Variants in NFATC2 observed in about 807,000 individuals in gnomAD.
NFATC2 encodes nuclear factor of activated T cells 2, also known as nuclear factor of activated T-cells, cytoplasmic 2.
In NFATC2, 22 loss-of-function variants were observed where a neutral mutation model predicts 87.3. The observed-to-expected ratio is 0.25, with a 90% CI of 0.18 to 0.36. The LOEUF is 0.36. Ranked by LOEUF, NFATC2 falls within the 10% of genes least tolerant of loss-of-function variation. The pLI is 1.00. For synonymous variants in NFATC2, 565 were observed against 542.2 expected, an observed-to-expected ratio of 1.04 and a Z score of -0.58; for missense variants, 1,149 against 1,259.1, an observed-to-expected ratio of 0.91 and a Z score of 1.32.
chr20:51,518,891 C>A (rs932193757), intron 2 of NFATC2, among the ~76,000 whole-genome samples: 3 of 152,102 alleles, frequency 2.0e-5, no homozygotes, highest in African/African-American at 7.2e-5. Context: ...GCCTCAAACT[C>A]CTGGGCTCAA....
intron 3 of NFATC2, among the ~76,000 whole-genome samples, chr20:51,509,832 T>C (rs1053327953): frequency 3.9e-5 from 6 of 152,234 alleles, no homozygotes; most frequent in African/African-American, 1.4e-4. Flanking sequence ...TAATCCATTT[T>C]ATGAGGTTTT....
chr20:51,408,747 A>G (rs1308834552), intron 9 of NFATC2, among the ~76,000 whole-genome samples: 2 of 152,194 alleles, frequency 1.3e-5, no homozygotes, highest in African/African-American at 2.4e-5. Context: ...GGAAGACACT[A>G]TAGGAGAATC....
rs527949090 is a variant in NFATC2, at chr20:51,477,045, G to A, written c.1333-1385C>T. ...ACCCAGTAATTCCACCTCTCCATAC[G>A]CAGCCTGGAGAAACACTGTATATGC... is the stretch of plus-strand genomic sequence containing the variant. On this transcript the variant is annotated intron_variant, in intron 3 of 10. Coordinates refer to ENST00000371564, the MANE Select transcript of NFATC2 (RefSeq NM_012340.5). Among the ~76,000 whole-genome samples, 4 of 152,162 alleles carry A rather than the reference G, an allele frequency of 2.6e-5. No homozygotes were observed. The South Asian group carries it at 6.2e-4, about 24-fold the overall frequency.
At chr20:51,521,328 A>AT (rs200855308) in intron 2 of NFATC2, among the ~76,000 whole-genome samples, 10,299 of 149,928 alleles carry the variant, frequency 0.069, 378 homozygotes, top group Middle Eastern at 0.14. Context: ...TTTTATTTTT[A>AT]TTTTTTTTTT....
intron 3 of NFATC2, among the ~76,000 whole-genome samples, chr20:51,488,717 C>T (rs143207145): frequency 4.1e-4 from 63 of 152,310 alleles, no homozygotes; most frequent in African/African-American, 1.5e-3. Flanking sequence ...CTCCCTGGGT[C>T]CCAGCACTGT....
In NFATC2 at chr20:51,425,049, GA is replaced by G. The variant is rs561158186; in HGVS notation, c.2722+7017del. Among the ~76,000 whole-genome samples, 3 of 151,900 alleles carry G rather than the reference GA, an allele frequency of 2.0e-5. No homozygotes were observed. In the East Asian group the frequency reaches 5.8e-4, roughly 29 times the overall value. On this transcript the variant is annotated intron_variant, in intron 9 of 10. Coordinates refer to ENST00000371564, the MANE Select transcript of NFATC2 (RefSeq NM_012340.5). Reference sequence around the variant, plus strand: ...TGACATTTCATGGCATGGAGATTAGGAAAAAAATTGTCTTAAAAGGCTCCTG... The same window carrying G: ...TGACATTTCATGGCATGGAGATTAGGAAAAAATTGTCTTAAAAGGCTCCTG...
intron 9 of NFATC2, among the ~76,000 whole-genome samples, chr20:51,406,971 G>A (rs149955467): frequency 2.2e-4 from 33 of 152,266 alleles, no homozygotes; most frequent in African/African-American, 7.5e-4. Flanking sequence ...GATCCCACTT[G>A]GCCTTTAAGA....
At chr20:51,419,484 T>C (rs1980555255) in intron 9 of NFATC2, among the ~76,000 whole-genome samples, 1 of 152,140 alleles carries the variant, frequency 6.6e-6, no homozygotes, top group Non-Finnish European at 1.5e-5. Context: ...GGTACCATCC[T>C]GAGAATGGAG....
intron 5 of NFATC2, among the ~76,000 whole-genome samples, chr20:51,467,716 T>G (rs940869243): frequency 2.6e-5 from 4 of 152,220 alleles, no homozygotes; most frequent in South Asian, 4.1e-4. Flanking sequence ...TTGGTGAGGA[T>G]GTAGAGTAAC....
At chr20:51,410,209 CAAA>C (rs386393961) in intron 9 of NFATC2, among the ~76,000 whole-genome samples, 1 of 103,146 alleles carries the variant, frequency 9.7e-6, no homozygotes, top group Non-Finnish European at 1.8e-5. Context: ...GACTCTGTCT[CAAA>C]AAAAAAAAAA....
At position 51,483,609 on chromosome 20, in the gene NFATC2, C is replaced by T. The variant is rs138316122; in HGVS notation, c.1333-7949G>A. ...CCTAACCCCACCTTCCACCCTCTCC[C>T]CCCCACCACACACACACACACAGAC... On this transcript the variant is annotated intron_variant, in intron 3 of 10. Transcript: ENST00000371564. Among the ~76,000 whole-genome samples the T allele has an allele frequency of 3.0e-3, 444 of 149,408 alleles. 7 individuals are homozygous for T. The highest frequency in any genetic ancestry group is 0.01 in the African/African-American group (412 of 40,334).
At chr20:51,464,659 C>T (rs571039401) in intron 5 of NFATC2, among the ~76,000 whole-genome samples, 32 of 149,280 alleles carry the variant, frequency 2.1e-4, no homozygotes, top group Non-Finnish European at 1.6e-4. Flanking sequence ...CAATCTAGTG[C>T]CGGGGGGTGG....
intron 6 of NFATC2, among the ~76,000 whole-genome samples, chr20:51,448,810 G>A (rs1379938817): frequency 1.3e-5 from 2 of 152,156 alleles, no homozygotes; most frequent in African/African-American, 4.8e-5. Context: ...AAAAGCTGAG[G>A]TCAGAGCCAG....
chr20:51,559,848 C>A (rs2077006987), intron 1 of NFATC2, among the ~76,000 whole-genome samples: 1 of 152,202 alleles, frequency 6.6e-6, no homozygotes, highest in African/African-American at 2.4e-5. Flanking sequence ...GCATGTTAAG[C>A]ACAGAACTGA....
rs1208367211 is a variant in NFATC2, at chr20:51,388,536, G to A, written c.*2960C>T. On this transcript the variant is annotated 3_prime_UTR_variant, in exon 11 of 11. Transcript: ENST00000371564. ...AAAAATCAACCTATGTGTAAAAAGA[G>A]ACACTTAAAAAGATTTCTGACCATT... is the stretch of plus-strand genomic sequence containing the variant. 1 of 151,802 alleles carries A rather than the reference G, an allele frequency of 6.6e-6. No homozygotes were observed. The highest frequency in any genetic ancestry group is 1.9e-4 in the East Asian group (1 of 5,192). The allele number at this position is 151,802 out of a possible 1,614,324, so 9.4% of individuals were successfully genotyped here.
rs1025498729 is a variant in NFATC2, at chr20:51,427,659, C to T, written c.2722+4408G>A. ...CTGAAAGCCTGCGGGAGCAAGCCCA[C>T]GTCTCCGAGTTCACGGCCTCCGCCA... is the stretch of plus-strand genomic sequence containing the variant. On this transcript the variant is annotated intron_variant, in intron 9 of 10. Coordinates refer to ENST00000371564, the MANE Select transcript of NFATC2 (RefSeq NM_012340.5). Among the ~76,000 whole-genome samples the T allele has an allele frequency of 3.3e-5, 5 of 152,322 alleles. No homozygotes were observed. The East Asian group carries it at 5.8e-4, about 18-fold the overall frequency.
At chr20:51,502,466 A>C (rs1312764551) in intron 3 of NFATC2, among the ~76,000 whole-genome samples, 2 of 152,158 alleles carry the variant, frequency 1.3e-5, no homozygotes, top group African/African-American at 4.8e-5. Context: ...CCAAGACTAC[A>C]GGCATGTTCC....
chr20:51,482,795 T>C (rs4811178), intron 3 of NFATC2, among the ~76,000 whole-genome samples: 1,742 of 152,346 alleles, frequency 0.011, 93 homozygotes, highest in Admixed American at 0.08. Context: ...GCTTTCAGAC[T>C]TTTCTTCCAG....
intron 10 of NFATC2, among the ~76,000 whole-genome samples, chr20:51,397,465 G>A (rs139891647): frequency 1.3e-5 from 2 of 152,360 alleles, no homozygotes; most frequent in African/African-American, 4.8e-5. Flanking sequence ...ACAGGCCTGA[G>A]CCGCTGGCTT....
Sources: allele counts gnomAD v4.1 joint callset (sites outside exome capture counted in the v4.1 genomes callset), GRCh38; gene constraint gnomAD v4.1.1; transcripts MANE v1.5; gene names NCBI Gene and HGNC (gene_info 2026-07-23, HGNC 2026-07-21).